Variants in IMPG1 observed in about 807,000 individuals in gnomAD.
The protein encoded by IMPG1 is interphotoreceptor matrix proteoglycan of 150 kDa.
In IMPG1, 85 loss-of-function variants were observed where a neutral mutation model predicts 92.0. The ratio of observed to expected loss-of-function variants is 0.92; its 90% CI spans 0.78 to 1.11. The LOEUF (loss-of-function observed/expected upper bound fraction) is 1.11, where lower values mean the gene tolerates loss of function less well. Ranked by LOEUF, IMPG1 falls within the 50% of genes least tolerant of loss-of-function variation. The probability of loss-of-function intolerance (pLI) is 0.00; values close to 1 mark genes in which losing one functional copy is unlikely to be tolerated. For synonymous variants in IMPG1, 367 were observed against 334.1 expected, an observed-to-expected ratio of 1.10 and a Z score of -1.08; for missense variants, 1,022 against 956.0, an observed-to-expected ratio of 1.07 and a Z score of -0.91.
intron 1 of IMPG1, among the ~76,000 whole-genome samples, chr6:76,059,001 A>G (rs1562387588): frequency 6.6e-6 from 1 of 152,268 alleles, no homozygotes; most frequent in East Asian, 1.9e-4. Flanking sequence ...ATGTGAGCCT[A>G]TTGAGGCCTG....
chr6:75,961,439 G>T (rs1311224176), intron 12 of IMPG1, among the ~76,000 whole-genome samples: 3 of 152,104 alleles, frequency 2.0e-5, no homozygotes, highest in Non-Finnish European at 2.9e-5. Context: ...CCTAGTATGT[G>T]CCAGGCATTA....
chr6:76,011,631 T>G (rs573605762), intron 7 of IMPG1, among the ~76,000 whole-genome samples: 352 of 151,938 alleles, frequency 2.3e-3, no homozygotes, highest in Non-Finnish European at 4.1e-3. Context: ...CATGTGCACA[T>G]TGTGCAGGTT....
intron 12 of IMPG1, among the ~76,000 whole-genome samples, chr6:75,974,451 T>C (rs145958412): frequency 0.012 from 1,507 of 129,920 alleles, 17 homozygotes; most frequent in South Asian, 0.02. Context: ...CTTCCTTCCT[T>C]CTTTCTTCTT....
chr6:75,929,710 TTAA>T (rs1351217859), intron 15 of IMPG1, among the ~76,000 whole-genome samples: 1 of 147,178 alleles, frequency 6.8e-6, no homozygotes, highest in African/African-American at 2.5e-5. Flanking sequence ...AATAATAAAA[TTAA>T]AAAAAAGAAA....
Position 75,922,294 on chromosome 6 carries a change from G to T in IMPG1, c.2317-128C>A. 3 of 570,384 alleles carry T rather than the reference G, an allele frequency of 5.3e-6. No individual in the cohort carries two copies. In the South Asian group the frequency reaches 6.1e-5, roughly 12 times the overall value. The allele number at this position is 570,384 out of a possible 1,614,324, so 35.3% of individuals were successfully genotyped here. ...CCATTTATGACATCTTCTTTGAAAT[G>T]TTGAAGATGGCCTCAAAATATTCTT... On this transcript the variant is annotated intron_variant, in intron 16 of 16. Transcript: ENST00000369950.
rs201002543 is a variant in IMPG1 at position 75,931,170 on chromosome 6, A to G, written c.2045-19T>C. The G allele has an allele frequency of 4.1e-5, 66 of 1,595,658 alleles. No individual in the cohort carries two copies. The highest frequency in any genetic ancestry group is 3.3e-4 in the Middle Eastern group (2 of 6,064). On this transcript the variant is annotated intron_variant, in intron 14 of 16. Transcript: ENST00000369950. ...TGATCAGCTGTAAGAAATGGGGCAG[A>G]TTTTAACGCATGTATGAATAGCTAA...
At chr6:76,038,284 G>T (rs1478126795) in intron 2 of IMPG1, among the ~76,000 whole-genome samples, 1 of 152,166 alleles carries the variant, frequency 6.6e-6, no homozygotes, top group African/African-American at 2.4e-5. Flanking sequence ...TAAGGGCCCT[G>T]AAAGAATCTT....
intron 2 of IMPG1, among the ~76,000 whole-genome samples, chr6:76,035,451 A>G (rs1045213792): frequency 5.2e-4 from 77 of 147,552 alleles, no homozygotes; most frequent in African/African-American, 1.9e-3. Context: ...GTGAGCCGAG[A>G]TCGCGCCATT....
intron 1 of IMPG1, among the ~76,000 whole-genome samples, chr6:76,065,416 A>T (rs535398477): frequency 9.2e-5 from 14 of 152,272 alleles, no homozygotes; most frequent in Admixed American, 7.8e-4. Flanking sequence ...TCTGCAAATA[A>T]AAAATTCATT....
chr6:76,022,789 G>A (rs543582506), intron 5 of IMPG1, among the ~76,000 whole-genome samples: 2 of 152,016 alleles, frequency 1.3e-5, no homozygotes, highest in African/African-American at 2.4e-5. Context: ...TTCAAGCAAA[G>A]AAAAAAGCGT....
intron 12 of IMPG1, among the ~76,000 whole-genome samples, chr6:75,984,572 A>C (rs1759574338): frequency 1.3e-5 from 2 of 152,232 alleles, no homozygotes; most frequent in African/African-American, 4.8e-5. Context: ...ATAAGTATGC[A>C]AAATAATGCA....
intron 1 of IMPG1, among the ~76,000 whole-genome samples, chr6:76,056,355 T>C (rs1463632314): frequency 6.6e-6 from 1 of 152,132 alleles, no homozygotes; most frequent in East Asian, 1.9e-4. Flanking sequence ...AAAGAAGTTG[T>C]TACTTCTTTA....
chr6:76,057,587 G>C (rs947852047), intron 1 of IMPG1, among the ~76,000 whole-genome samples: 2 of 152,150 alleles, frequency 1.3e-5, no homozygotes, highest in African/African-American at 2.4e-5. Flanking sequence ...TCTTCTGTGG[G>C]TTTTGTCCAA....
intron 12 of IMPG1, among the ~76,000 whole-genome samples, chr6:75,981,788 A>G (rs1178524065): frequency 6.6e-6 from 1 of 152,240 alleles, no homozygotes; most frequent in East Asian, 1.9e-4. Context: ...GCAAAGAAGG[A>G]AAGAATGCAA....
chr6:76,069,552 A>G (rs955678242), intron 1 of IMPG1, among the ~76,000 whole-genome samples: 3 of 152,130 alleles, frequency 2.0e-5, no homozygotes, highest in African/African-American at 7.2e-5. Flanking sequence ...CTTCCTCAAG[A>G]AGTGGTCAAA....
intron 14 of IMPG1, among the ~76,000 whole-genome samples, chr6:75,935,220 A>G (rs1781724990): frequency 6.6e-6 from 1 of 152,240 alleles, no homozygotes; most frequent in African/African-American, 2.4e-5. Context: ...GAGGTCTGCA[A>G]GGGATTCACG....
At position 76,042,145 on chromosome 6, in the gene IMPG1, T is replaced by C. The variant is rs777180941; in HGVS notation, c.68-19A>G. 3 of 1,212,264 alleles carry C rather than the reference T, an allele frequency of 2.5e-6. No individual in the cohort carries two copies. The highest frequency in any genetic ancestry group is 3.7e-6 in the Non-Finnish European group (3 of 814,728). 75.1% of individuals were successfully genotyped at this position (1,212,264 alleles called of 1,614,324 possible). A position where few individuals can be genotyped will look rare whatever the true frequency, so the allele number is the denominator to read the frequency against. The stretch of plus-strand genomic sequence containing the variant: ...GAGATATCTGTAAAAGAAAGATTGA[T>C]ATCCTGGTGAATATATACATTTATG... On this transcript the variant is annotated intron_variant, in intron 1 of 16. Transcript: ENST00000369950.
At chr6:75,949,443 G>T (rs182772889) in intron 13 of IMPG1, among the ~76,000 whole-genome samples, 1 of 152,148 alleles carries the variant, frequency 6.6e-6, no homozygotes, top group African/African-American at 2.4e-5. Context: ...TCTAAAAAGG[G>T]GAGGCATGAA....
At chr6:76,057,713 G>T (rs1420658885) in intron 1 of IMPG1, among the ~76,000 whole-genome samples, 1 of 152,018 alleles carries the variant, frequency 6.6e-6, no homozygotes, top group Non-Finnish European at 1.5e-5. Context: ...CCATAGGTGG[G>T]GGGGTGGCTA....
Sources: gnomAD v4.1 joint callset for allele counts (sites outside exome capture counted in the v4.1 genomes callset) on GRCh38, gnomAD v4.1.1 for gene constraint, MANE v1.5 for transcripts, NCBI Gene and HGNC (gene_info 2026-07-23, HGNC 2026-07-21) for gene names.